PDE4D: variants seen among roughly 807,000 people sequenced by gnomAD.
PDE4D encodes phosphodiesterase 4D, also known as 3',5'-cyclic-AMP phosphodiesterase 4D.
Under a neutral mutation model 87.4 loss-of-function variants are expected in PDE4D, and 24 were observed. The ratio of observed to expected loss-of-function variants is 0.27; its 90% CI spans 0.20 to 0.39. PDE4D has a LOEUF of 0.39. PDE4D is among the 10% of genes least tolerant of loss of function. The pLI, the probability that PDE4D is intolerant of heterozygous loss-of-function variation, is 1.00. For missense variants in PDE4D, 714 were observed against 1,041.0 expected (o/e 0.69, Z 4.32); for synonymous variants, 384 against 383.2 (o/e 1.00, Z -0.02).
intron 6 of PDE4D, among the ~76,000 whole-genome samples, chr5:59,021,493 A>T (rs1328499356): frequency 3.3e-5 from 5 of 152,142 alleles, no homozygotes; most frequent in African/African-American, 1.2e-4. Flanking sequence ...TTGACCTTTT[A>T]TGTTTAAAAA....
intron 1 of PDE4D, among the ~76,000 whole-genome samples, chr5:59,420,705 A>C (rs1346404829): frequency 6.6e-6 from 1 of 150,724 alleles, no homozygotes; most frequent in Non-Finnish European, 1.5e-5. Context: ...AAAAAAAAAA[A>C]ACAAGAAAAG....
At chr5:60,416,130 T>G (rs1742521828) in intron 1 of PDE4D, among the ~76,000 whole-genome samples, 1 of 152,006 alleles carries the variant, frequency 6.6e-6, no homozygotes, top group Non-Finnish European at 1.5e-5. Flanking sequence ...GCTAATCTAG[T>G]GTGGACATGG....
intron 1 of PDE4D, among the ~76,000 whole-genome samples, chr5:59,434,933 A>T (rs1796595407): frequency 6.6e-6 from 1 of 152,154 alleles, no homozygotes; most frequent in East Asian, 1.9e-4. Flanking sequence ...AATTCTCATA[A>T]AATATGAGTT....
At chr5:60,332,558 A>G (rs1264112053) in intron 1 of PDE4D, among the ~76,000 whole-genome samples, 1 of 152,224 alleles carries the variant, frequency 6.6e-6, no homozygotes, top group Non-Finnish European at 1.5e-5. Flanking sequence ...CACACTGCAT[A>G]TGTACCACAG....
At chr5:60,510,205 T>C (rs1353235531) in intron 1 of PDE4D, among the ~76,000 whole-genome samples, 3 of 152,230 alleles carry the variant, frequency 2.0e-5, no homozygotes, top group Non-Finnish European at 4.4e-5. Flanking sequence ...AGACATTCTC[T>C]GGCTTCCTAC....
At chr5:59,838,031 CTTTAG>C (rs1174970753) in intron 1 of PDE4D, among the ~76,000 whole-genome samples, 2 of 151,998 alleles carry the variant, frequency 1.3e-5, no homozygotes, top group Non-Finnish European at 2.9e-5. Flanking sequence ...AATTTACACA[CTTTAG>C]TTAGAATGCT....
chr5:59,958,004 T>G (rs2152808417), intron 3 of PDE4D, among the ~76,000 whole-genome samples: 1 of 152,258 alleles, frequency 6.6e-6, no homozygotes, highest in South Asian at 2.1e-4. Context: ...TGAAGTACAT[T>G]TAAATAGACA....
chr5:60,192,872 C>T (rs376838792), intron 1 of PDE4D, among the ~76,000 whole-genome samples: 2 of 152,308 alleles, frequency 1.3e-5, no homozygotes, highest in African/African-American at 4.8e-5. Context: ...AAAAGTTACT[C>T]ATCTCTTCTT....
chr5:60,266,345 TA>T (rs1367331469), intron 1 of PDE4D, among the ~76,000 whole-genome samples: 6 of 152,220 alleles, frequency 3.9e-5, no homozygotes, highest in Admixed American at 2.6e-4. Flanking sequence ...AGTACTTTTT[TA>T]ATATAATTTT....
At chr5:59,798,087 GC>G in intron 1 of PDE4D, among the ~76,000 whole-genome samples, 1 of 152,098 alleles carries the variant, frequency 6.6e-6, no homozygotes, top group Non-Finnish European at 1.5e-5. Context: ...ATAAAAAATA[GC>G]CAGGTGTGGT....
At chr5:59,004,710 C>T (rs1751239682) in intron 6 of PDE4D, among the ~76,000 whole-genome samples, 1 of 152,190 alleles carries the variant, frequency 6.6e-6, no homozygotes, top group African/African-American at 2.4e-5. Flanking sequence ...GTTTTTTCAC[C>T]TATGTGAATA....
chr5:59,293,062 T>G (rs1047969181), intron 1 of PDE4D, among the ~76,000 whole-genome samples: 1 of 152,144 alleles, frequency 6.6e-6, no homozygotes, highest in Non-Finnish European at 1.5e-5. Flanking sequence ...AAAGCATAAA[T>G]TGTGGTTGCC....
intron 1 of PDE4D, among the ~76,000 whole-genome samples, chr5:60,474,656 G>A (rs898603890): frequency 5.9e-5 from 9 of 152,176 alleles, no homozygotes; most frequent in Non-Finnish European, 1.0e-4. Flanking sequence ...AGGGGAAGTC[G>A]CAGTTCTGGC....
chr5:60,334,820 G>A (rs1479891888), intron 1 of PDE4D, among the ~76,000 whole-genome samples: 1 of 152,098 alleles, frequency 6.6e-6, no homozygotes, highest in Non-Finnish European at 1.5e-5. Context: ...AGAAAAGAAG[G>A]AATAAATACG....
chr5:60,018,998 C>T (rs1477945348), intron 2 of PDE4D, among the ~76,000 whole-genome samples: 1 of 152,160 alleles, frequency 6.6e-6, no homozygotes, highest in African/African-American at 2.4e-5. Flanking sequence ...TAGGTATCTG[C>T]AGAACTCTCC....
intron 1 of PDE4D, among the ~76,000 whole-genome samples, chr5:59,623,309 T>TTA (rs1561347218): frequency 6.6e-6 from 1 of 152,180 alleles, no homozygotes; most frequent in African/African-American, 2.4e-5. Context: ...ATCTGTGCTG[T>TTA]TCAATATTAG....
chr5:60,392,025 C>T (rs1762590981), intron 1 of PDE4D, among the ~76,000 whole-genome samples: 1 of 152,094 alleles, frequency 6.6e-6, no homozygotes, highest in African/African-American at 2.4e-5. Context: ...ATCACAATTA[C>T]TGAGACTCCA....
intron 1 of PDE4D, among the ~76,000 whole-genome samples, chr5:59,682,033 A>G (rs1749111561): frequency 1.3e-5 from 2 of 152,108 alleles, no homozygotes; most frequent in African/African-American, 4.8e-5. Flanking sequence ...TGAACTTCTC[A>G]GCCTCCAGAA....
chr5:59,526,480 A>C (rs1167077596), intron 1 of PDE4D, among the ~76,000 whole-genome samples: 1 of 152,220 alleles, frequency 6.6e-6, no homozygotes, highest in Non-Finnish European at 1.5e-5. Flanking sequence ...CCACTTTTAA[A>C]ATCAGGTAAA....
Sources: allele counts gnomAD v4.1 joint callset (sites outside exome capture counted in the v4.1 genomes callset), GRCh38; gene constraint gnomAD v4.1.1; transcripts MANE v1.5; gene names NCBI Gene and HGNC (gene_info 2026-07-23, HGNC 2026-07-21).